MAK16: variants seen among roughly 807,000 people sequenced by gnomAD.
The protein encoded by MAK16 is MAK16 homolog, also known as protein MAK16 homolog.
In MAK16, 12 loss-of-function variants were observed where a neutral mutation model predicts 49.9. That is an observed-to-expected ratio of 0.24 (90% CI 0.15 to 0.39). The LOEUF is 0.39. Among genes scored for constraint, MAK16 ranks in the 10% least tolerant of loss-of-function variants. The pLI, the probability that MAK16 is intolerant of heterozygous loss-of-function variation, is 1.00. For missense variants in MAK16, 292 were observed against 363.7 expected, an observed-to-expected ratio of 0.80 and a Z score of 1.60; for synonymous variants, 115 against 126.4, an observed-to-expected ratio of 0.91 and a Z score of 0.60.
Position 33,498,702 on chromosome 8 carries a change from TACACACCTCCAGTTTTTGC to T in MAK16, c.*74_*92del. 1 of 1,259,854 alleles carries T rather than the reference TACACACCTCCAGTTTTTGC, an allele frequency of 7.9e-7. No individual in the cohort carries two copies. Among genetic ancestry groups the T allele is most frequent in the Non-Finnish European group, 1.1e-6 (1 of 902,392 alleles). 78.0% of individuals were successfully genotyped at this position (1,259,854 alleles called of 1,614,324 possible). ...TTTTTTTTTTTTTATCTTAAACACATACACACCTCCAGTTTTTGCTCTTTTGTGTTGTACTGAACACAAT... is the reference window on the plus strand; with the variant it reads ...TTTTTTTTTTTTTATCTTAAACACATTCTTTTGTGTTGTACTGAACACAAT... On this transcript the variant is annotated 3_prime_UTR_variant, in exon 10 of 10. Transcript: ENST00000360128.
rs868675060 is a variant in MAK16, at chr8:33,496,037, A to T, written c.522+421A>T. ...TTTATCCCTGGAATAAAATAAATCC[A>T]TATCGGCCTGGCTTCCTTGCTTTAA... On this transcript the variant is annotated intron_variant, in intron 7 of 9. Transcript: ENST00000360128. Among the ~76,000 whole-genome samples the T allele has an allele frequency of 2.3e-4, 35 of 152,254 alleles. No individual in the cohort carries two copies. In the Middle Eastern group the frequency reaches 0.01, roughly 44 times the overall value.
chr8:33,497,423 G>A, intron 9 of MAK16, 126 bp downstream of exon 9: 1 of 662,106 alleles, frequency 1.5e-6, no homozygotes, highest in Non-Finnish European at 2.6e-6. Context: ...AGGCCAAAAT[G>A]GGAGGATTGT....
chr8:33,491,956 A>G (rs958294164), intron 6 of MAK16, among the ~76,000 whole-genome samples: 2 of 151,302 alleles, frequency 1.3e-5, no homozygotes, highest in East Asian at 2.0e-4. Flanking sequence ...TTTTAATCCA[A>G]TAATTAGAAT....
intron 9 of MAK16, 53 bp downstream of exon 9, chr8:33,497,350 AAAAAC>A (rs1316687399): frequency 0.012 from 12,968 of 1,088,282 alleles, 65 homozygotes; most frequent in East Asian, 0.016. Context: ...AAAAAAAAAA[AAAAAC>A]AAAAACAGGG....
At chr8:33,490,223 C>T (rs1554525164) in intron 5 of MAK16, 62 bp from the exon 6 acceptor site, 11 of 1,373,532 alleles carry the variant, frequency 8.0e-6, no homozygotes, top group Admixed American at 5.7e-5. Flanking sequence ...TTTTTCTTCT[C>T]ATCCTTAAAA....
intron 9 of MAK16, among the ~76,000 whole-genome samples, chr8:33,498,119 A>T (rs1453341706): frequency 6.7e-6 from 1 of 149,092 alleles, no homozygotes; most frequent in African/African-American, 2.5e-5. Context: ...AAAAAAAATT[A>T]AAATTCAGCT....
At chr8:33,493,706 C>A (rs1437156027) in intron 6 of MAK16, among the ~76,000 whole-genome samples, 3 of 151,934 alleles carry the variant, frequency 2.0e-5, no homozygotes, top group Non-Finnish European at 4.4e-5. Context: ...GGTGTTCCTA[C>A]AAACCTTTCA....
At chr8:33,485,436 C>T in intron 1 of MAK16, 1 of 633,358 alleles carries the variant, frequency 1.6e-6, no homozygotes, top group East Asian at 2.8e-5. Flanking sequence ...CACAGGACTC[C>T]GTCACCTCAG....
At position 33,488,695 on chromosome 8, in the gene MAK16, T is replaced by C. The variant is rs775796531; in HGVS notation, c.176-39T>C. 2.4e-5 allele frequency: 38 copies of C among 1,611,864 alleles called. No homozygotes were observed. In the South Asian group the frequency reaches 3.8e-4, roughly 16 times the overall value. On this transcript the variant is annotated intron_variant, in intron 3 of 9. Transcript: ENST00000360128. The stretch of plus-strand genomic sequence containing the variant: ...GCTTTTACAGGGATGTTCTTTAGTT[T>C]CTGTAAATAACACTAAAGCTATTTT...
At chr8:33,487,201 AG>A (rs1808702529) in intron 1 of MAK16, among the ~76,000 whole-genome samples, 1 of 152,106 alleles carries the variant, frequency 6.6e-6, no homozygotes, top group Non-Finnish European at 1.5e-5. Flanking sequence ...TCCCCTAACT[AG>A]ATAGACGAAA....
intron 6 of MAK16, among the ~76,000 whole-genome samples, chr8:33,494,785 C>CTTTTTTTTTTTTT (rs887797143): frequency 6.8e-6 from 1 of 146,532 alleles, no homozygotes; most frequent in Non-Finnish European, 1.5e-5. Flanking sequence ...CGCTGTAGCC[C>CTTTTTTTTTTTTT]TTTTTTTTTT....
intron 6 of MAK16, among the ~76,000 whole-genome samples, chr8:33,495,313 A>C (rs1232267446): frequency 6.6e-6 from 1 of 152,234 alleles, no homozygotes; most frequent in Non-Finnish European, 1.5e-5. Context: ...TTTAATTTAG[A>C]ATGTTGTTTA....
intron 1 of MAK16, among the ~76,000 whole-genome samples, chr8:33,487,136 G>A (rs966365023): frequency 6.6e-6 from 1 of 152,040 alleles, no homozygotes; most frequent in Non-Finnish European, 1.5e-5. Flanking sequence ...ATACTCTTAC[G>A]CATGCTATGT....
At chr8:33,485,499 G>A (rs1808672305) in intron 1 of MAK16, 1 of 451,998 alleles carries the variant, frequency 2.2e-6, no homozygotes, top group Non-Finnish European at 3.8e-6. Context: ...AGGACGTCGC[G>A]TCATGCTGTC....
At chr8:33,490,732 ACAT>A (rs1271701706) in intron 6 of MAK16, among the ~76,000 whole-genome samples, 4 of 152,350 alleles carry the variant, frequency 2.6e-5, no homozygotes, top group African/African-American at 4.8e-5. Context: ...GTGAGTAATA[ACAT>A]CATGGAAAAT....
intron 6 of MAK16, among the ~76,000 whole-genome samples, chr8:33,492,642 T>C (rs1255183591): frequency 6.6e-6 from 1 of 152,214 alleles, no homozygotes; most frequent in Non-Finnish European, 1.5e-5. Flanking sequence ...GCACCATTTA[T>C]TGAAGAGACT....
chr8:33,498,688 T>TA lies in MAK16; in HGVS notation c.*59_*60insA. 6 of 1,464,448 alleles carry TA rather than the reference T, an allele frequency of 4.1e-6. No individual in the cohort carries two copies. Among genetic ancestry groups the TA allele is most frequent in the Non-Finnish European group, 5.6e-6 (6 of 1,073,724 alleles). The allele number at this position is 1,464,448 out of a possible 1,614,324, so 90.7% of individuals were successfully genotyped here. On this transcript the variant is annotated 3_prime_UTR_variant, in exon 10 of 10. Transcript: ENST00000360128. ...ATGCAGAACTGTTTTTTTTTTTTTT[T>TA]TATCTTAAACACATACACACCTCCA...
Position 33,499,637 on chromosome 8 carries a change from C to G in MAK16, c.*1008C>G, listed in dbSNP as rs567085151. 5.1e-6 allele frequency: 1 copy of G among 197,544 alleles called. No homozygotes were observed. The highest frequency in any genetic ancestry group is 5.5e-5 in the Admixed American group (1 of 18,274). The allele number at this position is 197,544 out of a possible 1,614,324, so 12.2% of individuals were successfully genotyped here. ...TGAATAAACTGGTAAAATAACAATT[C>G]ATACTATCTCTACATATTTTTAGGA... On this transcript the variant is annotated 3_prime_UTR_variant, in exon 10 of 10. Transcript: ENST00000360128.
rs746661013 is a variant in MAK16 at position 33,500,472 on chromosome 8, C to A, written c.*1843C>A. Reference sequence around the variant, plus strand: ...GTTTCAAGAGGGCCTTCAGTAAGACCACAAGTCTGCAGGAAACTCTGGAAT... The same window carrying A: ...GTTTCAAGAGGGCCTTCAGTAAGACAACAAGTCTGCAGGAAACTCTGGAAT... On this transcript the variant is annotated 3_prime_UTR_variant, in exon 10 of 10. Coordinates refer to ENST00000360128, the MANE Select transcript of MAK16 (RefSeq NM_032509.4). The A allele has an allele frequency of 6.2e-7, 1 of 1,614,028 alleles. No homozygotes were observed. Among genetic ancestry groups the A allele is most frequent in the Admixed American group, 1.7e-5 (1 of 60,008 alleles).
Sources: gnomAD v4.1 joint callset for allele counts (sites outside exome capture counted in the v4.1 genomes callset) on GRCh38, gnomAD v4.1.1 for gene constraint, MANE v1.5 for transcripts, NCBI Gene and HGNC (gene_info 2026-07-23, HGNC 2026-07-21) for gene names.